The following WDR27 variants were observed in gnomAD, a reference collection of about 807,000 sequenced individuals.
WDR27 encodes WD repeat domain 27.
Under a neutral mutation model 114.4 loss-of-function variants are expected in WDR27, and 100 were observed. The observed-to-expected ratio is 0.87, with a 90% CI of 0.74 to 1.03. The LOEUF (loss-of-function observed/expected upper bound fraction) is 1.03. Ranked by LOEUF, WDR27 falls within the 50% of genes least tolerant of loss-of-function variation. WDR27 has a pLI of 0.00. For missense variants in WDR27, 1,129 were observed against 1,092.9 expected, an observed-to-expected ratio of 1.03 and a Z score of -0.47; for synonymous variants, 449 against 423.1, an observed-to-expected ratio of 1.06 and a Z score of -0.75.
At chr6:169,570,191 C>T (rs1003758645) in intron 25 of WDR27, among the ~76,000 whole-genome samples, 1 of 152,210 alleles carries the variant, frequency 6.6e-6, no homozygotes, top group East Asian at 1.9e-4. Context: ...ACCACAGGTG[C>T]TCTTCATGGA....
chr6:169,689,072 G>T, intron 1 of WDR27, 60 bp from the exon 2 acceptor site: 1 of 1,250,830 alleles, frequency 8.0e-7, no homozygotes, highest in Admixed American at 2.7e-5. Flanking sequence ...CAGAAAAAAA[G>T]TCTATTACCT....
chr6:169,432,224 G>A, the WDR27 span, among the ~76,000 whole-genome samples: 2 of 152,152 alleles, frequency 1.3e-5, no homozygotes, highest in Admixed American at 1.3e-4. Flanking sequence ...CAAGGATGAG[G>A]AACTGAGACC....
intron 25 of WDR27, among the ~76,000 whole-genome samples, chr6:169,459,497 A>G (rs1031944565): frequency 6.6e-6 from 1 of 151,940 alleles, no homozygotes; most frequent in Admixed American, 6.5e-5. Context: ...AACAGTTGAA[A>G]ACTCCCAAAT....
At chr6:169,652,640 A>C (rs891561929) in intron 13 of WDR27, among the ~76,000 whole-genome samples, 1 of 152,244 alleles carries the variant, frequency 6.6e-6, no homozygotes, top group Non-Finnish European at 1.5e-5. Context: ...AAGTAGAGGG[A>C]GGCAAATTTG....
At chr6:169,448,151 G>C in the WDR27 span, among the ~76,000 whole-genome samples, 6 of 152,086 alleles carry the variant, frequency 3.9e-5, no homozygotes, top group African/African-American at 2.4e-5. Flanking sequence ...TGATCTGCCT[G>C]CCTCAGCCTC....
intron 25 of WDR27, among the ~76,000 whole-genome samples, chr6:169,563,386 C>T (rs977377875): frequency 3.3e-5 from 5 of 152,276 alleles, no homozygotes; most frequent in Admixed American, 3.3e-4. Context: ...CTCTACCAAG[C>T]CAGACCCTGA....
In WDR27 at chr6:169,652,008, G is replaced by A. The variant is rs763428742; in HGVS notation, c.1403C>T (p.Ala468Val). 1.2e-5 allele frequency: 19 copies of A among 1,613,186 alleles called. No individual in the cohort carries two copies. The highest frequency in any genetic ancestry group is 1.6e-5 in the Non-Finnish European group (19 of 1,179,726). ...STKAASEQRRAARNVMKDQRL... is the reference protein window; with the variant it reads ...STKAASEQRRVARNVMKDQRL... ...TTGGTCCTTCATGACGTTCCGTGCA[G>A]CTGTGGAAAGGCAATTTTAAAGAAG... The change falls in exon 14 of 26, where the codon GCT becomes GTT. Residue 468 changes from alanine (A) to valine (V), a missense_variant and splice_region_variant. Physicochemically the swap from Ala to Val is moderately conservative, Grantham distance 64 (BLOSUM62 0). Transcript: ENST00000448612.
intron 3 of WDR27, chr6:169,670,959 T>A (rs1047929659): frequency 5.0e-6 from 2 of 401,416 alleles, no homozygotes. Context: ...CTGCAGTACC[T>A]GTGCAGTGAG....
chr6:169,565,776 C>T (rs12199842), intron 25 of WDR27, among the ~76,000 whole-genome samples: 89,408 of 151,900 alleles, frequency 0.59, 29,027 homozygotes, highest in Non-Finnish European at 0.72. Flanking sequence ...CCCAGGCTCC[C>T]GCGTAGCTGG....
Position 169,668,585 on chromosome 6 carries a change from A to T in WDR27, c.457-400T>A, listed in dbSNP as rs897377979. 3 of 175,078 alleles carry T rather than the reference A, an allele frequency of 1.7e-5. 1 individual carries two copies. The highest frequency in any genetic ancestry group is 3.6e-5 in the Non-Finnish European group (3 of 82,324). 10.8% of individuals were successfully genotyped at this position (175,078 alleles called of 1,614,324 possible). On this transcript the variant is annotated intron_variant, in intron 4 of 25. Coordinates refer to ENST00000448612, the MANE Select transcript of WDR27 (RefSeq NM_182552.5). ...CCGACAGCCAAGACAGCACCCCAGAAGTCAGCGTCACAAGCTGGAGACACA... is the reference window on the plus strand; with the variant it reads ...CCGACAGCCAAGACAGCACCCCAGATGTCAGCGTCACAAGCTGGAGACACA...
chr6:169,541,578 T>C (rs1796860680), intron 25 of WDR27, among the ~76,000 whole-genome samples: 1 of 152,196 alleles, frequency 6.6e-6, no homozygotes, highest in Admixed American at 6.5e-5. Flanking sequence ...TGCAGGAACT[T>C]GGGTGTTCTC....
the WDR27 span, among the ~76,000 whole-genome samples, chr6:169,446,177 CG>C: frequency 3.9e-5 from 6 of 152,338 alleles, no homozygotes; most frequent in East Asian, 1.2e-3. Flanking sequence ...GCTGAGCTGC[CG>C]TGCAGCACGA....
rs185289176 is a variant in WDR27, at chr6:169,609,655, T to C, written c.2321+3904A>G. Among the ~76,000 whole-genome samples the C allele has an allele frequency of 1.5e-3, 229 of 152,332 alleles. 5 individuals are homozygous for C. The East Asian group carries it at 0.034, about 23-fold the overall frequency. On this transcript the variant is annotated intron_variant, in intron 22 of 25. Transcript: ENST00000448612. ...TCCTCCCAGACCTCTGGGTCTGTGA[T>C]GGGAGGGGCTGCCATGAGGACCTCT... is the stretch of plus-strand genomic sequence containing the variant.
In WDR27 at chr6:169,701,702, G is replaced by C. The variant is rs775216486; in HGVS notation, c.-159C>G. On this transcript the variant is annotated 5_prime_UTR_variant, in exon 1 of 26. Coordinates refer to ENST00000448612, the MANE Select transcript of WDR27 (RefSeq NM_182552.5). ...GTCAGGAGGAGGCTTCGGGTGACGA[G>C]ACAGCGGGCAACGGCTCTGGTCCAG... The C allele has an allele frequency of 1.1e-5, 2 of 183,174 alleles. No individual in the cohort carries two copies. Among genetic ancestry groups the C allele is most frequent in the Admixed American group, 6.1e-5 (1 of 16,302 alleles). The allele number at this position is 183,174 out of a possible 1,614,324, so 11.3% of individuals were successfully genotyped here. A position where few individuals can be genotyped will look rare whatever the true frequency, so the allele number is the denominator to read the frequency against.
At chr6:169,520,232 C>A (rs1402590646) in intron 25 of WDR27, among the ~76,000 whole-genome samples, 2 of 152,150 alleles carry the variant, frequency 1.3e-5, no homozygotes, top group Non-Finnish European at 2.9e-5. Context: ...GCTTCCCACA[C>A]TGCTGGAATA....
At chr6:169,656,633 C>T (rs1195094533) in intron 13 of WDR27, among the ~76,000 whole-genome samples, 2 of 152,008 alleles carry the variant, frequency 1.3e-5, no homozygotes, top group South Asian at 4.2e-4. Context: ...GAGGAAGGAG[C>T]CAAGAAGGCC....
At chr6:169,604,096 A>C (rs1045014851) in intron 22 of WDR27, among the ~76,000 whole-genome samples, 4 of 152,334 alleles carry the variant, frequency 2.6e-5, no homozygotes, top group Non-Finnish European at 4.4e-5. Flanking sequence ...AACAGAAAAG[A>C]AATTTAAAAG....
chr6:169,472,610 T>C (rs1786578910), intron 25 of WDR27, among the ~76,000 whole-genome samples: 2 of 152,190 alleles, frequency 1.3e-5, no homozygotes, highest in Non-Finnish European at 2.9e-5. Flanking sequence ...TGTTATGAAT[T>C]AAACAAATGA....
At chr6:169,612,233 C>G (rs1264707138) in intron 22 of WDR27, among the ~76,000 whole-genome samples, 2 of 151,190 alleles carry the variant, frequency 1.3e-5, no homozygotes, top group South Asian at 2.1e-4. Flanking sequence ...AGATCGAGAC[C>G]ACGGTGAGAC....
Sources: gnomAD v4.1 joint callset for allele counts (sites outside exome capture counted in the v4.1 genomes callset) on GRCh38, gnomAD v4.1.1 for gene constraint, MANE v1.5 for transcripts, NCBI Gene and HGNC (gene_info 2026-07-23, HGNC 2026-07-21) for gene names.